Variants in KREMEN1 observed in about 807,000 individuals in gnomAD.
The protein encoded by KREMEN1 is kremen protein 1.
KREMEN1 carries 30 observed loss-of-function variants against 46.5 expected under a neutral mutation model. The ratio of observed to expected loss-of-function variants is 0.65; its 90% CI spans 0.48 to 0.88. The LOEUF (loss-of-function observed/expected upper bound fraction) is 0.88, where lower values mean the gene tolerates loss of function less well. Among genes scored for constraint, KREMEN1 ranks in the 40% least tolerant of loss-of-function variants. The pLI is 0.00. For missense variants in KREMEN1, 533 were observed against 596.9 expected (o/e 0.89, Z 1.11); for synonymous variants, 214 against 230.6 (o/e 0.93, Z 0.65).
At chr22:29,123,712 C>T (rs572725094) in intron 4 of KREMEN1, among the ~76,000 whole-genome samples, 4 of 152,310 alleles carry the variant, frequency 2.6e-5, no homozygotes, top group Non-Finnish European at 5.9e-5. Flanking sequence ...ATTGCTTGCA[C>T]CTGGGAGGTG....
rs775318250 is a variant in KREMEN1, at chr22:29,138,719, C to A, written c.1060C>A (p.Arg354=). Residue 354 remains arginine, a synonymous_variant, in exon 7 of 9, where the codon CGG becomes AGG. Transcript: ENST00000400335. ...GGCCAACCTCAGTGTCAGCGCTGCC[C>A]GGTCCTCCAAAGTCCTCTATGTCAT... is the stretch of plus-strand genomic sequence containing the variant. ...EQANLSVSAA[R]SSKVLYVITT... 1 of 1,614,078 alleles carries A rather than the reference C, an allele frequency of 6.2e-7. No homozygotes were observed. The highest frequency in any genetic ancestry group is 1.3e-5 in the African/African-American group (1 of 74,926).
chr22:29,120,914 A>G (rs2038346055), intron 3 of KREMEN1, among the ~76,000 whole-genome samples: 1 of 152,162 alleles, frequency 6.6e-6, no homozygotes, highest in African/African-American at 2.4e-5. Context: ...CCTTGAGGAA[A>G]CCCACTTGTG....
At chr22:29,089,421 A>G (rs1286661836) in intron 1 of KREMEN1, among the ~76,000 whole-genome samples, 1 of 151,926 alleles carries the variant, frequency 6.6e-6, no homozygotes, top group Non-Finnish European at 1.5e-5. Context: ...TTCAAAATAT[A>G]TCTGGAATCG....
At chr22:29,128,187 T>G (rs1036234650) in intron 5 of KREMEN1, among the ~76,000 whole-genome samples, 1 of 152,220 alleles carries the variant, frequency 6.6e-6, no homozygotes, top group African/African-American at 2.4e-5. Flanking sequence ...GTGGATATAC[T>G]GAATACCACT....
chr22:29,147,971 G>A (rs1193193783), downstream of KREMEN1, among the ~76,000 whole-genome samples: 1 of 152,236 alleles, frequency 6.6e-6, no homozygotes, highest in Non-Finnish European at 1.5e-5. Context: ...ATTACCTGCA[G>A]TATGTTTTCC....
intron 1 of KREMEN1, among the ~76,000 whole-genome samples, chr22:29,083,176 G>T (rs575417648): frequency 3.9e-4 from 59 of 152,264 alleles, no homozygotes; most frequent in African/African-American, 1.4e-3. Context: ...AGATATTTAT[G>T]AATAAATATC....
At chr22:29,154,180 T>C (rs1006678617) in intron 9 of KREMEN1, among the ~76,000 whole-genome samples, 2 of 152,146 alleles carry the variant, frequency 1.3e-5, no homozygotes, top group African/African-American at 4.8e-5. Flanking sequence ...TTGAGAACCC[T>C]ATTTATCAAA....
chr22:29,154,318 A>G, intron 9 of KREMEN1: 1 of 152,160 alleles, frequency 6.6e-6, no homozygotes, highest in East Asian at 1.9e-4. Context: ...AAAGGTATCT[A>G]TTGACCTTTA....
chr22:29,137,480 G>A lies in KREMEN1; in HGVS notation c.770G>A (p.Ser257Asn). 1 of 1,608,152 alleles carries A rather than the reference G, an allele frequency of 6.2e-7. No individual in the cohort carries two copies. Among genetic ancestry groups the A allele is most frequent in the Non-Finnish European group, 8.5e-7 (1 of 1,175,056 alleles). ...RVPGASHIHF[S>N]FPLFDIRDSA... ...CCGGGGGCCTCCCACATCCACTTCA[G>A]CTTCCCCCTATTTGACATCAGGGAC... The change falls in exon 6 of 9, where the codon AGC becomes AAC. Residue 257 changes from serine to asparagine, a missense_variant. Transcript: ENST00000400335.
chr22:29,080,806 G>A (rs962888157), intron 1 of KREMEN1, among the ~76,000 whole-genome samples: 1 of 152,140 alleles, frequency 6.6e-6, no homozygotes, highest in Admixed American at 6.5e-5. Context: ...GCATCTAGCC[G>A]GTAGAGGCCA....
intron 9 of KREMEN1, among the ~76,000 whole-genome samples, chr22:29,153,737 T>G (rs551683705): frequency 1.3e-5 from 2 of 151,970 alleles, no homozygotes; most frequent in African/African-American, 2.4e-5. Flanking sequence ...TCCCAGCACT[T>G]TGGGAGGCCG....
chr22:29,118,933 C>G (rs879724647), intron 3 of KREMEN1, among the ~76,000 whole-genome samples: 12 of 152,188 alleles, frequency 7.9e-5, no homozygotes, highest in Non-Finnish European at 1.6e-4. Context: ...ATGCCAATTA[C>G]AAGGAGTGGG....
chr22:29,112,311 CCT>C (rs2038165206), intron 3 of KREMEN1, among the ~76,000 whole-genome samples: 1 of 152,184 alleles, frequency 6.6e-6, no homozygotes, highest in South Asian at 2.1e-4. Context: ...AGGATGGAGC[CCT>C]TTGTCTTGTC....
chr22:29,111,849 A>G (rs1473593920), intron 3 of KREMEN1, among the ~76,000 whole-genome samples: 1 of 152,208 alleles, frequency 6.6e-6, no homozygotes, highest in Non-Finnish European at 1.5e-5. Flanking sequence ...TTAGTGAATT[A>G]CCAGCTGAAG....
intron 3 of KREMEN1, among the ~76,000 whole-genome samples, chr22:29,107,791 A>G (rs940936895): frequency 6.6e-6 from 1 of 151,980 alleles, no homozygotes; most frequent in Non-Finnish European, 1.5e-5. Flanking sequence ...GGATTGCTTG[A>G]GCTCAGGAGG....
intron 9 of KREMEN1, among the ~76,000 whole-genome samples, chr22:29,153,953 C>T (rs976989985): frequency 5.9e-5 from 8 of 136,174 alleles, no homozygotes; most frequent in African/African-American, 2.2e-4. Context: ...GCCTGGGTAA[C>T]GGCAAGACTT....
rs188003817 is a variant in KREMEN1 at position 29,086,930 on chromosome 22, T to G, written c.98-7328T>G. The stretch of plus-strand genomic sequence containing the variant: ...CCCAGCAAATTTTTAATTTTAATTT[T>G]AATTTTAATTTTGTAGAGATGGAGG... On this transcript the variant is annotated intron_variant, in intron 1 of 8. Coordinates refer to ENST00000400335, the MANE Select transcript of KREMEN1 (RefSeq NM_001039570.3). 2.6e-5 allele frequency among the ~76,000 whole-genome samples: 4 copies of G among 152,228 alleles called. No individual in the cohort carries two copies. The East Asian group carries it at 7.7e-4, about 29-fold the overall frequency.
At chr22:29,120,664 G>A (rs928700550) in intron 3 of KREMEN1, among the ~76,000 whole-genome samples, 3 of 152,120 alleles carry the variant, frequency 2.0e-5, no homozygotes, top group Non-Finnish European at 4.4e-5. Flanking sequence ...GAAATGGTGC[G>A]GCTGCAAGCC....
intron 7 of KREMEN1, among the ~76,000 whole-genome samples, chr22:29,139,760 G>T (rs1302414530): frequency 6.6e-6 from 1 of 152,224 alleles, no homozygotes; most frequent in Non-Finnish European, 1.5e-5. Flanking sequence ...GAACTGGAAA[G>T]TATCCTCAGT....
Sources: gnomAD v4.1 joint callset for allele counts (sites outside exome capture counted in the v4.1 genomes callset) on GRCh38, gnomAD v4.1.1 for gene constraint, MANE v1.5 for transcripts, NCBI Gene and HGNC (gene_info 2026-07-23, HGNC 2026-07-21) for gene names.